Variants in TTC21B observed in about 807,000 individuals in gnomAD.
TTC21B encodes the protein tetratricopeptide repeat protein 21B.
A neutral mutation model predicts 175.1 loss-of-function variants in TTC21B; 127 were observed. The observed-to-expected ratio is 0.73, with a 90% CI of 0.63 to 0.84. TTC21B has a LOEUF of 0.84. Among genes scored for constraint, TTC21B ranks in the 40% least tolerant of loss-of-function variants. The pLI, the probability that TTC21B is intolerant of heterozygous loss-of-function variation, is 0.00. For synonymous variants in TTC21B, 524 were observed against 524.5 expected, an observed-to-expected ratio of 1.00 and a Z score of 0.01; for missense variants, 1,561 against 1,558.3, an observed-to-expected ratio of 1.00 and a Z score of -0.03.
chr2:165,919,305 G>A lies in TTC21B; in HGVS notation c.1645C>T (p.Leu549Phe), dbSNP rs756255830. Residue 549 changes from leucine to phenylalanine, a missense_variant, in exon 13 of 29, where the codon CTT becomes TTT. Transcript: ENST00000243344. Reference protein sequence around the residue: ...QEKVKLCSQSLELCLSYDFKV... With the variant: ...QEKVKLCSQSFELCLSYDFKV... Reference sequence around the variant, plus strand: ...AAATCATAGCTCAGACAAAGTTCAAGAGACTGAGAACACAATTTGACTTTT... The same window carrying A: ...AAATCATAGCTCAGACAAAGTTCAAAAGACTGAGAACACAATTTGACTTTT... 1.9e-6 allele frequency: 3 copies of A among 1,614,070 alleles called. No individual in the cohort carries two copies. The highest frequency in any genetic ancestry group is 2.5e-6 in the Non-Finnish European group (3 of 1,179,988).
At chr2:165,902,017 T>A (rs1574083083) in intron 19 of TTC21B, 107 bp from the exon 20 acceptor site, 4 of 984,696 alleles carry the variant, frequency 4.1e-6, no homozygotes, top group African/African-American at 1.6e-5. Context: ...TTATGAACCC[T>A]TGATCTAACA....
intron 8 of TTC21B, 59 bp from the exon 9 acceptor site, chr2:165,930,423 A>G (rs1039225484): frequency 8.1e-7 from 1 of 1,239,986 alleles, no homozygotes; most frequent in African/African-American, 1.5e-5. Context: ...CTGAGACTAA[A>G]GGATTATTTT....
chr2:165,876,938 G>A (rs1398850772), intron 27 of TTC21B, among the ~76,000 whole-genome samples: 1 of 152,156 alleles, frequency 6.6e-6, no homozygotes, highest in Non-Finnish European at 1.5e-5. Flanking sequence ...ACATAGGAGA[G>A]CGACACAGAG....
In TTC21B at chr2:165,880,685, C is replaced by T. The variant is rs759441102; in HGVS notation, c.3799G>A (p.Ala1267Thr). 4 of 1,613,350 alleles carry T rather than the reference C, an allele frequency of 2.5e-6. No individual in the cohort carries two copies. Among genetic ancestry groups the T allele is most frequent in the Non-Finnish European group, 3.4e-6 (4 of 1,179,738 alleles). Reference sequence around the variant, plus strand: ...AGGTGATTGCCAAACTCACCTACTGCCGGATTTGTCCGATTGCTATATTTC... The same window carrying T: ...AGGTGATTGCCAAACTCACCTACTGTCGGATTTGTCCGATTGCTATATTTC... ...AWKYSNRTNP[A>T]VGYKLAFNYL... is the part of the protein sequence containing the mutation. Residue 1267 changes from alanine to threonine, a missense_variant, in exon 27 of 29, where the codon GCA becomes ACA. Ala to Thr is a moderately conservative substitution (Grantham distance 58). Transcript: ENST00000243344.
intron 22 of TTC21B, among the ~76,000 whole-genome samples, chr2:165,898,081 GTAA>G (rs1685429686): frequency 6.6e-6 from 1 of 152,196 alleles, no homozygotes; most frequent in Admixed American, 6.5e-5. Context: ...GAAGGGCATA[GTAA>G]TTGGGAGGGG....
At chr2:165,878,974 G>A (rs1432960712) in intron 27 of TTC21B, among the ~76,000 whole-genome samples, 2 of 152,010 alleles carry the variant, frequency 1.3e-5, no homozygotes, top group African/African-American at 4.8e-5. Context: ...GAGCCACTGC[G>A]CCTGGCCATG....
intron 12 of TTC21B, among the ~76,000 whole-genome samples, chr2:165,921,845 A>G (rs1174827535): frequency 7.6e-6 from 1 of 132,236 alleles, no homozygotes; most frequent in East Asian, 2.2e-4. Flanking sequence ...TTATTTCAAT[A>G]GGTTTTTGGG....
At chr2:165,897,373 C>G (rs984994338) in intron 22 of TTC21B, among the ~76,000 whole-genome samples, 2 of 152,050 alleles carry the variant, frequency 1.3e-5, no homozygotes, top group South Asian at 4.1e-4. Context: ...TTGAATGTAG[C>G]ACTAACAAGG....
chr2:165,917,099 G>A (rs958702017), intron 14 of TTC21B, among the ~76,000 whole-genome samples, 158 bp downstream of exon 14: 16 of 152,050 alleles, frequency 1.1e-4, no homozygotes, highest in East Asian at 9.6e-4. Flanking sequence ...GGCTGGTCTC[G>A]AACTCCTGAC....
chr2:165,931,883 T>C (rs1353815550), intron 7 of TTC21B, 27 bp from the exon 8 acceptor site: 1 of 1,478,108 alleles, frequency 6.8e-7, no homozygotes, highest in East Asian at 2.3e-5. Flanking sequence ...TGGTATTAAC[T>C]TAAAATATAC....
At chr2:165,898,530 T>C (rs1020915208) in intron 22 of TTC21B, 156 bp downstream of exon 22, 85 of 695,722 alleles carry the variant, frequency 1.2e-4, no homozygotes, top group Non-Finnish European at 2.0e-4. Context: ...AATTTCCTTA[T>C]AGCCATTTCA....
At chr2:165,894,823 G>T (rs377094934) in intron 22 of TTC21B, among the ~76,000 whole-genome samples, 15 of 152,306 alleles carry the variant, frequency 9.8e-5, no homozygotes, top group East Asian at 7.7e-4. Context: ...AACTCGAGGA[G>T]TCTACAGTGT....
chr2:165,887,795 G>A (rs949317633), intron 25 of TTC21B, among the ~76,000 whole-genome samples: 2 of 152,050 alleles, frequency 1.3e-5, no homozygotes, highest in African/African-American at 4.8e-5. Context: ...ATTGCAGGAG[G>A]TTATTTCAGT....
rs1684608054 is a variant in TTC21B, at chr2:165,874,679, C to A, written c.*76G>T. The A allele has an allele frequency of 4.3e-6, 6 of 1,379,356 alleles. No homozygotes were observed. Among genetic ancestry groups the A allele is most frequent in the Non-Finnish European group, 6.2e-6 (6 of 969,084 alleles). 85.4% of individuals were successfully genotyped at this position (1,379,356 alleles called of 1,614,324 possible). A position where few individuals can be genotyped will look rare whatever the true frequency, so the allele number is the denominator to read the frequency against. On this transcript the variant is annotated 3_prime_UTR_variant, in exon 29 of 29. Transcript: ENST00000243344. Reference sequence around the variant, plus strand: ...TAATAACAAAGCACTGAGCTCAAACCTGTTTTGAACAGGAAGAACTGAAAG... The same window carrying A: ...TAATAACAAAGCACTGAGCTCAAACATGTTTTGAACAGGAAGAACTGAAAG...
intron 27 of TTC21B, 118 bp from the exon 28 acceptor site, chr2:165,876,350 A>G (rs1462150015): frequency 5.5e-6 from 4 of 727,656 alleles, no homozygotes; most frequent in Non-Finnish European, 1.0e-5. Flanking sequence ...TGGTGAATGA[A>G]CAACCAAACT....
At chr2:165,909,886 C>T (rs995142725) in intron 18 of TTC21B, among the ~76,000 whole-genome samples, 1 of 152,100 alleles carries the variant, frequency 6.6e-6, no homozygotes, top group Non-Finnish European at 1.5e-5. Flanking sequence ...AAAATGCATA[C>T]TGCAGAATTA....
chr2:165,877,687 A>G (rs1039606185), intron 27 of TTC21B, among the ~76,000 whole-genome samples: 1 of 152,172 alleles, frequency 6.6e-6, no homozygotes, highest in Admixed American at 6.5e-5. Context: ...CTGCATATAT[A>G]TATGTGTGTA....
intron 18 of TTC21B, among the ~76,000 whole-genome samples, chr2:165,910,649 T>G (rs893171004): frequency 6.6e-6 from 1 of 152,136 alleles, no homozygotes; most frequent in Non-Finnish European, 1.5e-5. Flanking sequence ...ATTGGTGTTA[T>G]GGAACATTAT....
intron 10 of TTC21B, 131 bp from the exon 11 acceptor site, chr2:165,929,466 T>G: frequency 1.1e-6 from 1 of 930,910 alleles, no homozygotes; most frequent in Non-Finnish European, 1.6e-6. Context: ...TTAGCTTGAA[T>G]AGACTTTTAG....
Sources: gnomAD v4.1 joint callset for allele counts (sites outside exome capture counted in the v4.1 genomes callset) on GRCh38, gnomAD v4.1.1 for gene constraint, MANE v1.5 for transcripts, NCBI Gene and HGNC (gene_info 2026-07-23, HGNC 2026-07-21) for gene names.